The following OSBPL3 variants were observed in gnomAD, a reference collection of about 807,000 sequenced individuals.
The protein encoded by OSBPL3 is oxysterol binding protein like 3, also known as oxysterol-binding protein-related protein 3.
OSBPL3 carries 65 observed loss-of-function variants against 120.1 expected under a neutral mutation model. The ratio of observed to expected loss-of-function variants is 0.54; its 90% confidence interval spans 0.44 to 0.67. OSBPL3 has a LOEUF of 0.67. OSBPL3 is among the 30% of genes least tolerant of loss of function. The probability of loss-of-function intolerance (pLI) is 0.00; values close to 1 mark genes in which losing one functional copy is unlikely to be tolerated. For missense variants in OSBPL3, 1,004 were observed against 1,082.1 expected (o/e 0.93, Z 1.01); for synonymous variants, 416 against 402.6 (o/e 1.03, Z -0.40).
chr7:24,897,903 C>T (rs1025604087), intron 1 of OSBPL3, among the ~76,000 whole-genome samples: 2 of 152,148 alleles, frequency 1.3e-5, no homozygotes, highest in African/African-American at 4.8e-5. Context: ...CCATGTTTTG[C>T]TTGAGAAACA....
intron 20 of OSBPL3, among the ~76,000 whole-genome samples, chr7:24,807,859 C>T (rs1026321343): frequency 6.6e-6 from 1 of 152,148 alleles, no homozygotes; most frequent in African/African-American, 2.4e-5. Context: ...GCTCTTCACA[C>T]ATAACAAGAG....
chr7:24,845,227 A>G lies in OSBPL3; in HGVS notation c.1267-2814T>C, dbSNP rs1798258170. Among the ~76,000 whole-genome samples, 3 of 151,992 alleles carry G rather than the reference A, an allele frequency of 2.0e-5. No homozygotes were observed. The South Asian group carries it at 6.2e-4, about 32-fold the overall frequency. On this transcript the variant is annotated intron_variant, in intron 12 of 22. Transcript: ENST00000313367. ...ATTTAGAAAACTTTTGAGCTAATCT[A>G]ATTGTTTTAATTTTCATTAGGCTGA...
At position 24,871,320 on chromosome 7, in the gene OSBPL3, G is replaced by A. The variant is rs1162855815; in HGVS notation, c.267+422C>T. 6.6e-6 allele frequency among the ~76,000 whole-genome samples: 1 copy of A among 152,164 alleles called. No individual in the cohort carries two copies. The highest frequency in any genetic ancestry group is 1.9e-4 in the East Asian group (1 of 5,200). Reference sequence around the variant, plus strand: ...ACTCCTACAAGGGACAGGACAAATGGTCATTCACACACAGAGCCTTCACAC... The same window carrying A: ...ACTCCTACAAGGGACAGGACAAATGATCATTCACACACAGAGCCTTCACAC... On this transcript the variant is annotated intron_variant, in intron 4 of 22. Coordinates refer to ENST00000313367, the MANE Select transcript of OSBPL3 (RefSeq NM_015550.4). This position sits in a 1 kb window ranked among gnomAD's most constrained non-coding sequence, Gnocchi z 4.8.
At position 24,809,929 on chromosome 7, in the gene OSBPL3, G is replaced by A. The variant is rs1793560105; in HGVS notation, c.2195C>T (p.Ala732Val). 6 of 1,614,024 alleles carry A rather than the reference G, an allele frequency of 3.7e-6. No homozygotes were observed. The highest frequency in any genetic ancestry group is 5.1e-6 in the Non-Finnish European group (6 of 1,179,998). ...AAACACTGTGCCTTCAATCTCATGG[G>A]CATTAGTGCTCCAGTATTTTGCCTA... ...FIKAKYWSTN[A>V]HEIEGTVFDR... is the part of the protein sequence containing the mutation. The change falls in exon 20 of 23, where the codon GCC becomes GTC. Residue 732 changes from alanine to valine, a missense_variant. By Grantham distance (64) the Ala-to-Val change is moderately conservative (BLOSUM62 0). Coordinates refer to ENST00000313367, the MANE Select transcript of OSBPL3 (RefSeq NM_015550.4).
At chr7:24,890,501 C>G (rs774595853) in intron 2 of OSBPL3, among the ~76,000 whole-genome samples, 1 of 152,102 alleles carries the variant, frequency 6.6e-6, no homozygotes, top group Non-Finnish European at 1.5e-5. Context: ...CAAGGTGGAC[C>G]CCGTGGATGG....
At chr7:24,956,364 G>A (rs921330945) in intron 1 of OSBPL3, among the ~76,000 whole-genome samples, 1 of 152,234 alleles carries the variant, frequency 6.6e-6, no homozygotes, top group African/African-American at 2.4e-5. Flanking sequence ...TTCATTAGGG[G>A]ATAAGGGTAC....
chr7:24,875,791 T>C (rs1206688977), intron 2 of OSBPL3, among the ~76,000 whole-genome samples: 1 of 151,038 alleles, frequency 6.6e-6, no homozygotes, highest in Non-Finnish European at 1.5e-5. Flanking sequence ...TTTATATATA[T>C]ACAAATTTAT....
chr7:24,926,651 G>A (rs1017093011), intron 1 of OSBPL3, among the ~76,000 whole-genome samples: 2 of 152,144 alleles, frequency 1.3e-5, no homozygotes, highest in Non-Finnish European at 1.5e-5. Flanking sequence ...GTATAAGGTC[G>A]CAGCTCAAAT....
intron 16 of OSBPL3, among the ~76,000 whole-genome samples, chr7:24,823,820 G>A (rs1562778771): frequency 1.3e-5 from 2 of 152,150 alleles, no homozygotes; most frequent in Non-Finnish European, 2.9e-5. Flanking sequence ...AATGCCCATG[G>A]AAAAAGGTAA....
chr7:24,981,510 T>C (rs1186352817), upstream of OSBPL3: 1 of 152,582 alleles, frequency 6.6e-6, no homozygotes, highest in East Asian at 1.9e-4. The surrounding 1 kb of genome is among the most constrained non-coding windows in gnomAD (Gnocchi z 7.3). Context: ...GCTCGACGCA[T>C]TTTCAGTCTC....
At chr7:24,878,477 G>C (rs773643340) in intron 2 of OSBPL3, among the ~76,000 whole-genome samples, 3 of 151,968 alleles carry the variant, frequency 2.0e-5, no homozygotes, top group African/African-American at 7.2e-5. Flanking sequence ...GATCTTCCAC[G>C]GCCTATTAAG....
chr7:24,872,448 A>AGAGAGTGT lies in OSBPL3; in HGVS notation c.97-380_97-379insACACTCTC, dbSNP rs912921078. The stretch of plus-strand genomic sequence containing the variant: ...TCAGTCTGAATTTTAACCGAAAGAG[A>AGAGAGTGT]GTGTGTGTGTGTGTGTGTGTGTGTG... On this transcript the variant is annotated intron_variant, in intron 2 of 22. Transcript: ENST00000313367. The surrounding 1 kb of genome is among the most constrained non-coding windows in gnomAD (Gnocchi z 4.1). Among the ~76,000 whole-genome samples the AGAGAGTGT allele has an allele frequency of 7.5e-3, 1,091 of 144,978 alleles. 25 individuals carry two copies. Among genetic ancestry groups the AGAGAGTGT allele is most frequent in the African/African-American group, 0.027 (1,047 of 38,810 alleles).
chr7:24,836,015 C>T (rs1341656593), intron 14 of OSBPL3, among the ~76,000 whole-genome samples: 2 of 152,118 alleles, frequency 1.3e-5, no homozygotes, highest in Admixed American at 6.5e-5. Context: ...CAGCAACCAC[C>T]GTGACATGCA....
intron 5 of OSBPL3, among the ~76,000 whole-genome samples, chr7:24,868,647 A>G (rs1341251701): frequency 1.3e-5 from 2 of 152,208 alleles, no homozygotes; most frequent in Admixed American, 1.3e-4. Flanking sequence ...AGAAGTACCT[A>G]TAAGACTGGA....
At chr7:24,838,229 C>T (rs1351797016) in intron 14 of OSBPL3, among the ~76,000 whole-genome samples, 1 of 152,200 alleles carries the variant, frequency 6.6e-6, no homozygotes, top group Non-Finnish European at 1.5e-5. Flanking sequence ...GGCAAGGTGG[C>T]TCATGCCTAT....
intron 1 of OSBPL3, among the ~76,000 whole-genome samples, chr7:24,958,777 A>G (rs1301706109): frequency 6.6e-6 from 1 of 152,240 alleles, no homozygotes; most frequent in African/African-American, 2.4e-5. Flanking sequence ...TTCTAACTGC[A>G]TATGTGGTTT....
At position 24,818,411 on chromosome 7, in the gene OSBPL3, A is replaced by G. The variant is rs1472591866; in HGVS notation, c.1949-1723T>C. On this transcript the variant is annotated intron_variant, in intron 17 of 22. Transcript: ENST00000313367. The surrounding 1 kb of genome is among the most constrained non-coding windows in gnomAD (Gnocchi z 4.0). ...TTAACAATGTACTACATGGTTTATG[A>G]TATACAGAAGACGTATGAAAAAATA... Among the ~76,000 whole-genome samples, 1 of 152,220 alleles carries G rather than the reference A, an allele frequency of 6.6e-6. No homozygotes were observed. Among genetic ancestry groups the G allele is most frequent in the Non-Finnish European group, 1.5e-5 (1 of 68,038 alleles).
chr7:24,949,851 C>G (rs140198930), intron 1 of OSBPL3, among the ~76,000 whole-genome samples: 2 of 152,230 alleles, frequency 1.3e-5, no homozygotes, highest in African/African-American at 4.8e-5. Context: ...GCTCCCTCAG[C>G]GCTGCTTCCT....
At chr7:24,962,002 C>T (rs536110030) in intron 1 of OSBPL3, among the ~76,000 whole-genome samples, 1 of 152,124 alleles carries the variant, frequency 6.6e-6, no homozygotes, top group Non-Finnish European at 1.5e-5. Context: ...AGCACATCAA[C>T]CTTCCTGTTG....
Sources: allele counts gnomAD v4.1 joint callset (sites outside exome capture counted in the v4.1 genomes callset), GRCh38; gene constraint gnomAD v4.1.1; non-coding constraint Gnocchi (gnomAD v3.1); transcripts MANE v1.5; gene names NCBI Gene and HGNC (gene_info 2026-07-23, HGNC 2026-07-21).